OSBPL6: variants seen among roughly 807,000 people sequenced by gnomAD.
OSBPL6 encodes oxysterol-binding protein-related protein 6.
In OSBPL6, 49 loss-of-function variants were observed where a neutral mutation model predicts 125.8. That is an observed-to-expected ratio of 0.39 (90% CI 0.31 to 0.49). The LOEUF (loss-of-function observed/expected upper bound fraction) is 0.49. Ranked by LOEUF, OSBPL6 falls within the 20% of genes least tolerant of loss-of-function variation. The pLI is 0.88. For synonymous variants in OSBPL6, 394 were observed against 391.8 expected (o/e 1.01, Z -0.07); for missense variants, 986 against 1,135.4 (o/e 0.87, Z 1.89).
chr2:178,390,649 G>T (rs1695327275), intron 21 of OSBPL6, among the ~76,000 whole-genome samples: 1 of 152,138 alleles, frequency 6.6e-6, no homozygotes, highest in Non-Finnish European at 1.5e-5. Flanking sequence ...TGGCTGGAAG[G>T]GCCACTTGAG....
chr2:178,287,705 A>G (rs1684838571), intron 2 of OSBPL6, among the ~76,000 whole-genome samples: 1 of 147,014 alleles, frequency 6.8e-6, no homozygotes, highest in African/African-American at 2.5e-5. Context: ...CCCCCCATCT[A>G]CCCCCCACAA....
chr2:178,287,139 CTTCT>C (rs1380182697), intron 2 of OSBPL6, among the ~76,000 whole-genome samples: 1 of 77,484 alleles, frequency 1.3e-5, no homozygotes, highest in Non-Finnish European at 2.5e-5. Flanking sequence ...AACAATGGTT[CTTCT>C]TTTTTTAAAA....
chr2:178,233,360 CTG>C (rs1395075177), intron 1 of OSBPL6, among the ~76,000 whole-genome samples: 4 of 152,338 alleles, frequency 2.6e-5, no homozygotes, highest in African/African-American at 7.2e-5. Context: ...TCTCTGAAAA[CTG>C]TGGCCATTTT....
intron 9 of OSBPL6, among the ~76,000 whole-genome samples, chr2:178,338,235 A>C (rs1689877247): frequency 6.6e-6 from 1 of 151,966 alleles, no homozygotes; most frequent in Non-Finnish European, 1.5e-5. Context: ...ACCCAGCCCA[A>C]TATTCTTGAC....
In OSBPL6 at chr2:178,392,522, T is replaced by C; in HGVS notation, c.2557T>C (p.Phe853Leu). 6.2e-7 allele frequency: 1 copy of C among 1,613,966 alleles called. No individual in the cohort carries two copies. The highest frequency in any genetic ancestry group is 8.5e-7 in the Non-Finnish European group (1 of 1,179,954). Residue 853 changes from phenylalanine (F) to leucine (L), a missense_variant, in exon 23 of 25, where the codon TTC (phenylalanine) becomes CTC (leucine). Phe to Leu is a conservative substitution (Grantham distance 22, BLOSUM62 0). Around this residue, in one of 3 missense-constraint regions of OSBPL6, gnomAD observed 843 missense variants for 997.3 expected, o/e 0.85. Coordinates refer to ENST00000190611, the MANE Select transcript of OSBPL6 (RefSeq NM_032523.4). ...TCTCCTTCCACCAACAGACGCCCGG[T>C]TCCGGCCAGATCAAAGGTGAGGATG... ...KDLLPPTDAR[F>L]RPDQRFLEEG...
At chr2:178,228,075 A>G (rs2090638437) in intron 1 of OSBPL6, among the ~76,000 whole-genome samples, 1 of 152,242 alleles carries the variant, frequency 6.6e-6, no homozygotes, top group African/African-American at 2.4e-5. Context: ...GTAGCACAGT[A>G]CATTTACAGC....
At chr2:178,338,427 A>G (rs1689898146) in intron 9 of OSBPL6, among the ~76,000 whole-genome samples, 2 of 152,222 alleles carry the variant, frequency 1.3e-5, no homozygotes, top group South Asian at 4.1e-4. Context: ...TGATGATGAT[A>G]TTGCTGGACC....
chr2:178,266,820 T>C (rs1320477369), intron 1 of OSBPL6, among the ~76,000 whole-genome samples: 2 of 152,228 alleles, frequency 1.3e-5, no homozygotes, highest in South Asian at 2.1e-4. Context: ...CCACATTCCA[T>C]TGTGGGGTCC....
chr2:178,328,494 A>C (rs779543795), intron 5 of OSBPL6, 116 bp downstream of exon 5: 2 of 1,338,570 alleles, frequency 1.5e-6, no homozygotes, highest in East Asian at 5.0e-5. Flanking sequence ...TAGCTTTTTA[A>C]AACTTTTTTT....
intron 1 of OSBPL6, among the ~76,000 whole-genome samples, chr2:178,244,048 T>C (rs747555620): frequency 1.1e-4 from 16 of 152,202 alleles, no homozygotes; most frequent in Non-Finnish European, 2.2e-4. Flanking sequence ...AAATCCTTTA[T>C]TGGCTGTAAA....
intron 1 of OSBPL6, among the ~76,000 whole-genome samples, chr2:178,244,296 C>CT (rs1158965280): frequency 6.6e-6 from 1 of 152,178 alleles, no homozygotes; most frequent in Non-Finnish European, 1.5e-5. Context: ...ACTACTATAA[C>CT]TTAGGTCCTC....
chr2:178,209,446 T>C (rs1369955690), intron 1 of OSBPL6, among the ~76,000 whole-genome samples: 2 of 149,302 alleles, frequency 1.3e-5, no homozygotes, highest in African/African-American at 4.9e-5. Context: ...TTTCTTTTTT[T>C]TTTTTTTTTT....
intron 1 of OSBPL6, among the ~76,000 whole-genome samples, chr2:178,212,703 A>G (rs1415721039): frequency 6.6e-6 from 1 of 152,200 alleles, no homozygotes. Flanking sequence ...TTTCCTTTTC[A>G]GTGAAAGTAT....
chr2:178,394,464 C>G (rs748427876), intron 24 of OSBPL6, 29 bp downstream of exon 24: 3 of 1,580,686 alleles, frequency 1.9e-6, no homozygotes, highest in Admixed American at 1.9e-5. Flanking sequence ...ATAGCAAGTT[C>G]ATGTTTTGCA....
At chr2:178,359,777 C>T (rs996080845) in intron 12 of OSBPL6, among the ~76,000 whole-genome samples, 11 of 152,172 alleles carry the variant, frequency 7.2e-5, no homozygotes, top group African/African-American at 2.7e-4. Context: ...GCCTGAAGGA[C>T]ATTATGCTAA....
At chr2:178,267,534 T>C (rs188697051) in intron 1 of OSBPL6, among the ~76,000 whole-genome samples, 10 of 152,160 alleles carry the variant, frequency 6.6e-5, no homozygotes, top group African/African-American at 2.2e-4. Flanking sequence ...GTAGGATATA[T>C]GTAAGTATAA....
At chr2:178,278,054 C>A (rs1459462615) in intron 1 of OSBPL6, among the ~76,000 whole-genome samples, 2 of 152,222 alleles carry the variant, frequency 1.3e-5, no homozygotes, top group Non-Finnish European at 2.9e-5. Flanking sequence ...GAGCTCTGAA[C>A]TACAGACTAC....
intron 15 of OSBPL6, among the ~76,000 whole-genome samples, chr2:178,382,203 C>T (rs1322934979): frequency 6.6e-6 from 1 of 152,216 alleles, no homozygotes; most frequent in African/African-American, 2.4e-5. Context: ...CCTGCCCCTA[C>T]TAAGATAAGG....
chr2:178,332,794 G>A, intron 7 of OSBPL6, 40 bp downstream of exon 7: 1 of 1,610,298 alleles, frequency 6.2e-7, no homozygotes, highest in Non-Finnish European at 8.5e-7. Context: ...CATTATCAGG[G>A]GAAACGATTT....
Sources: allele counts gnomAD v4.1 joint callset (sites outside exome capture counted in the v4.1 genomes callset), GRCh38; gene constraint gnomAD v4.1.1; regional missense constraint gnomAD v4.1.1; transcripts MANE v1.5; gene names NCBI Gene and HGNC (gene_info 2026-07-23, HGNC 2026-07-21).